NCOA4: variants seen among roughly 807,000 people sequenced by gnomAD.
NCOA4 encodes nuclear receptor coactivator 4.
A neutral mutation model predicts 69.5 loss-of-function variants in NCOA4; 31 were observed. The ratio of observed to expected loss-of-function variants is 0.45; its 90% confidence interval spans 0.34 to 0.60. The LOEUF is 0.60. NCOA4 is among the 20% of genes least tolerant of loss of function. NCOA4 has a pLI of 0.02. For synonymous variants in NCOA4, 228 were observed against 252.4 expected, an observed-to-expected ratio of 0.90 and a Z score of 0.92; for missense variants, 600 against 719.2, an observed-to-expected ratio of 0.83 and a Z score of 1.90.
At chr10:46,007,422 G>A (rs564872273) in intron 9 of NCOA4, among the ~76,000 whole-genome samples, 64 of 152,258 alleles carry the variant, frequency 4.2e-4, no homozygotes, top group African/African-American at 1.4e-3. Context: ...AGCCAAGATC[G>A]TAAATGAAGT....
rs1219121285 is a variant in NCOA4 at position 46,005,469 on chromosome 10, A to G, written c.*1123T>C. The G allele has an allele frequency of 4.5e-6, 1 of 220,784 alleles. No individual in the cohort carries two copies. Among genetic ancestry groups the G allele is most frequent in the South Asian group, 1.8e-4 (1 of 5,424 alleles). The allele number at this position is 220,784 out of a possible 1,614,324, so 13.7% of individuals were successfully genotyped here. On this transcript the variant is annotated 3_prime_UTR_variant, in exon 10 of 10. Coordinates refer to ENST00000581486, the MANE Select transcript of NCOA4 (RefSeq NM_001145263.2). ...AGCTTAATAGTTTCAAAGTCTGGAA[A>G]GCAGCAAAGATATCTTAGAGAAAAC...
At chr10:46,011,278 T>G (rs1206056037) in intron 7 of NCOA4, 72 bp from the exon 8 acceptor site, 1 of 1,472,526 alleles carries the variant, frequency 6.8e-7, no homozygotes, top group African/African-American at 1.4e-5. Flanking sequence ...TCTGCACTTT[T>G]TCTTTTTTTG....
intron 1 of NCOA4, among the ~76,000 whole-genome samples, chr10:46,024,228 A>C (rs2132379011): frequency 6.6e-6 from 1 of 152,364 alleles, no homozygotes. Flanking sequence ...CACAAAAAAA[A>C]CAGACATACT....
chr10:46,012,987 A>T lies in NCOA4; in HGVS notation c.610T>A (p.Trp204Arg). ...SGIVAVPFSE[W>R]LLGSKPASGY... ...CTGGCAGGTTTGCTTCCAAGGAGCC[A>T]TTCGCTGAAAGGGACAGCTACAATA... Residue 204 changes from tryptophan (W) to arginine (R), a missense_variant, in exon 7 of 10, where the codon TGG (tryptophan) becomes AGG (arginine). By Grantham distance (101) the Trp-to-Arg change is moderately radical. Coordinates refer to ENST00000581486, the MANE Select transcript of NCOA4 (RefSeq NM_001145263.2). 6.2e-7 allele frequency: 1 copy of T among 1,614,176 alleles called. No individual in the cohort carries two copies. Among genetic ancestry groups the T allele is most frequent in the Non-Finnish European group, 8.5e-7 (1 of 1,180,016 alleles).
At chr10:46,019,596 C>T (rs1448852502) in intron 1 of NCOA4, 4 of 848,516 alleles carry the variant, frequency 4.7e-6, no homozygotes, top group Non-Finnish European at 5.7e-6. Flanking sequence ...ATACGGGAGA[C>T]AAACTCAAAT....
chr10:46,028,951 G>T (rs187617615), intron 1 of NCOA4, among the ~76,000 whole-genome samples: 2 of 151,612 alleles, frequency 1.3e-5, no homozygotes, highest in Non-Finnish European at 2.9e-5. Flanking sequence ...ACCGGGGGAG[G>T]GATATGTGTC....
intron 1 of NCOA4, among the ~76,000 whole-genome samples, chr10:46,025,746 C>T (rs1840127033): frequency 6.6e-6 from 1 of 152,190 alleles, no homozygotes; most frequent in Admixed American, 6.5e-5. Flanking sequence ...TTGGCTGCTC[C>T]CTCCTGCATT....
intron 1 of NCOA4, chr10:46,019,587 T>G: frequency 2.2e-6 from 2 of 908,706 alleles, no homozygotes; most frequent in Non-Finnish European, 2.6e-6. Flanking sequence ...TTCCGGAACA[T>G]ACGGGAGACA....
intron 7 of NCOA4, among the ~76,000 whole-genome samples, chr10:46,012,552 C>G (rs1839298183): frequency 6.6e-6 from 1 of 151,948 alleles, no homozygotes; most frequent in African/African-American, 2.4e-5. Context: ...AATCTACCTA[C>G]CGAAACAGGA....
intron 9 of NCOA4, among the ~76,000 whole-genome samples, chr10:46,007,721 G>A (rs1157861324): frequency 1.3e-5 from 2 of 150,958 alleles, no homozygotes; most frequent in Non-Finnish European, 2.9e-5. Context: ...CTCCTGAGTA[G>A]CTGGGACTAT....
rs61754798 is a variant in NCOA4, at chr10:46,010,581, T to C, written c.1340A>G (p.Lys447Arg). ...ATCTTTATGCTTCTCAGGCTCAGGT[T>C]TGGGTTCCACAGGCATCCCATTTTT... ...KDKNGMPVEP[K>R]PEPEKHKDSL... The change falls in exon 8 of 10, where the codon AAA becomes AGA. Residue 447 changes from lysine to arginine, a missense_variant. By Grantham distance (26) the Lys-to-Arg change is conservative (BLOSUM62 2). Coordinates refer to ENST00000581486, the MANE Select transcript of NCOA4 (RefSeq NM_001145263.2). 7,448 of 1,614,224 alleles carry C rather than the reference T, an allele frequency of 4.6e-3. 29 individuals carry two copies. Among genetic ancestry groups the C allele is most frequent in the Non-Finnish European group, 5.3e-3 (6,290 of 1,180,032 alleles).
At chr10:46,012,086 A>AAAAAAAAAAAAAAAAAC (rs1564921506) in intron 7 of NCOA4, among the ~76,000 whole-genome samples, 1 of 138,360 alleles carries the variant, frequency 7.2e-6, no homozygotes, top group African/African-American at 3.1e-5. Flanking sequence ...AAAAAAAAAA[A>AAAAAAAAAAAAAAAAAC]AAAAAAAAAA....
At chr10:46,022,524 G>A (rs782659800) in intron 1 of NCOA4, 1 of 442,546 alleles carries the variant, frequency 2.3e-6, no homozygotes, top group South Asian at 1.7e-5. Context: ...GGAGTGCAGT[G>A]GCGCGATCTC....
In NCOA4 at chr10:46,016,592, G is replaced by C. The variant is rs782624524; in HGVS notation, c.89C>G (p.Ala30Gly). The C allele has an allele frequency of 6.4e-7, 1 of 1,565,192 alleles. No homozygotes were observed. The highest frequency in any genetic ancestry group is 1.2e-5 in the South Asian group (1 of 83,178). Residue 30 changes from alanine to glycine, a missense_variant, in exon 2 of 10, where the codon GCT becomes GGT. Physicochemically the swap from Ala to Gly is moderately conservative, Grantham distance 60. Transcript: ENST00000581486. ...TTCAGCCCGGAGAACTCCACCAATA[G>C]CAAGCTCCAAGTCCCTCCGTGCATC... ...CSDARRDLEL[A>G]IGGVLRAEQQ...
Position 46,010,330 on chromosome 10 carries a change from AG to A in NCOA4, c.1590del (p.Trp531GlyfsTer91). The A allele has an allele frequency of 1.2e-6, 2 of 1,614,218 alleles. No individual in the cohort carries two copies. The highest frequency in any genetic ancestry group is 1.7e-6 in the Non-Finnish European group (2 of 1,180,042). On this transcript the variant is annotated frameshift_variant, in exon 8 of 10. Transcript: ENST00000581486. LOFTEE classifies it high-confidence loss of function. Reference sequence around the variant, plus strand: ...CAGTCAGCTGTGTTAAAGGAACACCAGGAAGTATTCATGGGGCTTTTAAACT... The same window carrying A: ...CAGTCAGCTGTGTTAAAGGAACACCAGAAGTATTCATGGGGCTTTTAAACT... ...KQKFKSPMNT[S>X]WCSFNTADWV...
chr10:46,027,497 G>A (rs1307387331), intron 1 of NCOA4: 34 of 1,549,226 alleles, frequency 2.2e-5, no homozygotes, highest in East Asian at 4.9e-5. Context: ...GTTCATGTGC[G>A]TTCTATGTTG....
At chr10:46,009,968 G>A (rs1171076276) in intron 8 of NCOA4, among the ~76,000 whole-genome samples, 1 of 152,102 alleles carries the variant, frequency 6.6e-6, no homozygotes, top group Non-Finnish European at 1.5e-5. Context: ...GGAGTTCAGA[G>A]ACCAGCCCAG....
intron 2 of NCOA4, among the ~76,000 whole-genome samples, chr10:46,015,602 G>T (rs1364980579): frequency 1.3e-5 from 2 of 152,102 alleles, no homozygotes; most frequent in African/African-American, 4.8e-5. Context: ...GGTTTAATTT[G>T]GGTGTCCTAA....
chr10:46,019,851 T>A (rs1167409809), intron 1 of NCOA4, among the ~76,000 whole-genome samples: 1 of 152,228 alleles, frequency 6.6e-6, no homozygotes, highest in African/African-American at 2.4e-5. Context: ...TCTTGAGAAC[T>A]CATCTGTCAG....
Sources: gnomAD v4.1 joint callset for allele counts (sites outside exome capture counted in the v4.1 genomes callset) on GRCh38, gnomAD v4.1.1 for gene constraint, MANE v1.5 for transcripts, NCBI Gene and HGNC (gene_info 2026-07-23, HGNC 2026-07-21) for gene names.